Variants in CNGA1 observed in about 807,000 individuals in gnomAD.
CNGA1 encodes cyclic nucleotide-gated channel alpha-1.
In CNGA1, 53 loss-of-function variants were observed where a neutral mutation model predicts 69.7. That is an observed-to-expected ratio of 0.76 (90% CI 0.61 to 0.96). The LOEUF (loss-of-function observed/expected upper bound fraction) is 0.96. CNGA1 is among the 40% of genes least tolerant of loss of function. The pLI is 0.00. For synonymous variants in CNGA1, 249 were observed against 283.5 expected, an observed-to-expected ratio of 0.88 and a Z score of 1.22; for missense variants, 739 against 811.2, an observed-to-expected ratio of 0.91 and a Z score of 1.08.
In CNGA1 at chr4:47,942,427, T is replaced by TA. The variant is rs143489910; in HGVS notation, c.438-280dup. ...TTAAGCTAAATGTTAAAGAGATGTG[T>TA]AAAAATGTAAAACAATGCCACTCTT... On this transcript the variant is annotated intron_variant, in intron 8 of 10. Coordinates refer to ENST00000514170, the MANE Select transcript of CNGA1 (RefSeq NM_001379270.1). Among the ~76,000 whole-genome samples, 1,068 of 145,900 alleles carry TA rather than the reference T, an allele frequency of 7.3e-3. 14 individuals carry two copies. The highest frequency in any genetic ancestry group is 0.025 in the African/African-American group (974 of 39,324).
chr4:47,992,328 T>C (rs998484414), intron 2 of CNGA1, among the ~76,000 whole-genome samples: 1 of 152,172 alleles, frequency 6.6e-6, no homozygotes, highest in African/African-American at 2.4e-5. Context: ...GTTTGTGTCA[T>C]CTATGATTTC....
chr4:47,976,258 TAC>T (rs1560301116), intron 3 of CNGA1, among the ~76,000 whole-genome samples: 3 of 35,470 alleles, frequency 8.5e-5, no homozygotes, highest in African/African-American at 8.3e-4. Context: ...TATATACACA[TAC>T]ATATATATAT....
chr4:47,963,294 G>A (rs1367394646), intron 3 of CNGA1, among the ~76,000 whole-genome samples: 1 of 152,224 alleles, frequency 6.6e-6, no homozygotes, highest in Non-Finnish European at 1.5e-5. Flanking sequence ...GTATTATTTG[G>A]TTTATATTAC....
At chr4:47,972,919 C>A (rs1467661847) in intron 3 of CNGA1, among the ~76,000 whole-genome samples, 1 of 152,094 alleles carries the variant, frequency 6.6e-6, no homozygotes, top group Non-Finnish European at 1.5e-5. Flanking sequence ...AGCCATTTCA[C>A]AACAAATATT....
At position 47,940,812 on chromosome 4, in the gene CNGA1, G is replaced by A. The variant is rs750368860; in HGVS notation, c.603C>T (p.Tyr201=). Residue 201 remains tyrosine (Y), a synonymous_variant, in exon 10 of 11, where the codon TAC becomes TAT. Coordinates refer to ENST00000514170, the MANE Select transcript of CNGA1 (RefSeq NM_001379270.1). ...DYLEYWLILD[Y]VSDIVYLIDM... is the part of the protein sequence containing the mutation. ...CGATTAAATAGACTATGTCTGATAC[G>A]TAATCCAAAATGAGCCAATATTCTA... The A allele has an allele frequency of 2.0e-5, 33 of 1,611,870 alleles. No individual in the cohort carries two copies. The highest frequency in any genetic ancestry group is 4.5e-5 in the East Asian group (2 of 44,814).
At chr4:48,006,092 TC>T (rs754450824) in intron 2 of CNGA1, among the ~76,000 whole-genome samples, 3 of 152,186 alleles carry the variant, frequency 2.0e-5, no homozygotes, top group Non-Finnish European at 4.4e-5. Flanking sequence ...ACTTCAGACT[TC>T]TATTAGTTTA....
At chr4:47,948,861 C>G (rs1311193174) in intron 6 of CNGA1, among the ~76,000 whole-genome samples, 1 of 152,162 alleles carries the variant, frequency 6.6e-6, no homozygotes, top group African/African-American at 2.4e-5. Flanking sequence ...GCTAAGTCAT[C>G]TAGACCAGCA....
At chr4:47,955,571 C>A (rs1560628641) in intron 3 of CNGA1, among the ~76,000 whole-genome samples, 1 of 152,174 alleles carries the variant, frequency 6.6e-6, no homozygotes, top group Non-Finnish European at 1.5e-5. Context: ...CAGTTCCCTG[C>A]CTGAGCCATG....
At chr4:47,971,204 C>T (rs180935597) in intron 3 of CNGA1, 11 of 346,708 alleles carry the variant, frequency 3.2e-5, no homozygotes, top group South Asian at 1.1e-4. Flanking sequence ...GTGTGCTGTG[C>T]GTAAAGGAGT....
At chr4:47,949,275 T>C (rs892073621) in intron 6 of CNGA1, among the ~76,000 whole-genome samples, 7 of 152,192 alleles carry the variant, frequency 4.6e-5, no homozygotes, top group Non-Finnish European at 8.8e-5. Context: ...GGCCAACTTT[T>C]TTCCAATAAC....
chr4:47,957,281 T>C (rs1448394218), intron 3 of CNGA1, among the ~76,000 whole-genome samples: 1 of 152,106 alleles, frequency 6.6e-6, no homozygotes, highest in Non-Finnish European at 1.5e-5. Context: ...ATGAGAATAT[T>C]GTCTCCTTAA....
intron 3 of CNGA1, among the ~76,000 whole-genome samples, chr4:47,958,116 G>A (rs1740202921): frequency 6.6e-6 from 1 of 151,886 alleles, no homozygotes; most frequent in Admixed American, 6.6e-5. Flanking sequence ...GGATGGTCTT[G>A]ATCTCCTGAC....
chr4:48,000,329 A>G (rs1430715141), intron 2 of CNGA1, among the ~76,000 whole-genome samples: 2 of 152,192 alleles, frequency 1.3e-5, no homozygotes, highest in African/African-American at 4.8e-5. Context: ...AAAAACAAAT[A>G]AAATCACTTC....
intron 10 of CNGA1, 96 bp from the exon 11 acceptor site, chr4:47,937,925 G>T: frequency 1.1e-6 from 1 of 880,466 alleles, no homozygotes. Flanking sequence ...GAGGTCAACA[G>T]AAAAATTCAT....
intron 6 of CNGA1, among the ~76,000 whole-genome samples, chr4:47,945,527 G>T (rs1446247794): frequency 6.6e-6 from 1 of 152,138 alleles, no homozygotes; most frequent in Non-Finnish European, 1.5e-5. Flanking sequence ...CATCATCGTG[G>T]CCCCCTGTTA....
At position 47,959,927 on chromosome 4, in the gene CNGA1, T is replaced by C. The variant is rs147686315; in HGVS notation, c.-14-7224A>G. On this transcript the variant is annotated intron_variant, in intron 3 of 10. Coordinates refer to ENST00000514170, the MANE Select transcript of CNGA1 (RefSeq NM_001379270.1). The stretch of plus-strand genomic sequence containing the variant: ...AGCTCTAAAAGAAATTCGCGATGCA[T>C]TGGATATCATCAAAAATTATAAACT... Among the ~76,000 whole-genome samples the C allele has an allele frequency of 8.2e-3, 1,243 of 152,236 alleles. 17 individuals are homozygous for C. Among genetic ancestry groups the C allele is most frequent in the African/African-American group, 0.028 (1,167 of 41,540 alleles).
intron 3 of CNGA1, among the ~76,000 whole-genome samples, chr4:47,958,260 T>C (rs182052858): frequency 6.1e-4 from 93 of 152,298 alleles, no homozygotes; most frequent in African/African-American, 1.8e-3. Flanking sequence ...ATGGAATTCT[T>C]GACTCTTTTT....
intron 1 of CNGA1, among the ~76,000 whole-genome samples, chr4:48,015,135 G>A (rs1250303099): frequency 6.6e-6 from 1 of 152,088 alleles, no homozygotes; most frequent in Non-Finnish European, 1.5e-5. Flanking sequence ...CCGAGATCGC[G>A]CCACTGCACT....
At chr4:48,011,871 C>A (rs969319950) in intron 1 of CNGA1, among the ~76,000 whole-genome samples, 1 of 152,060 alleles carries the variant, frequency 6.6e-6, no homozygotes, top group Non-Finnish European at 1.5e-5. Flanking sequence ...ATTGTGGAGA[C>A]CAAAGTTCTT....
Sources: gnomAD v4.1 joint callset for allele counts (sites outside exome capture counted in the v4.1 genomes callset) on GRCh38, gnomAD v4.1.1 for gene constraint, MANE v1.5 for transcripts, NCBI Gene and HGNC (gene_info 2026-07-23, HGNC 2026-07-21) for gene names.